CHMP1A: variants seen among roughly 807,000 people sequenced by gnomAD.
CHMP1A encodes the protein charged multivesicular body protein 1A.
Under a neutral mutation model 27.0 loss-of-function variants are expected in CHMP1A, and 17 were observed. The observed-to-expected ratio is 0.63, with a 90% confidence interval of 0.43 to 0.95. The LOEUF is 0.95. Ranked by LOEUF, CHMP1A falls within the 40% of genes least tolerant of loss-of-function variation. The pLI, the probability that CHMP1A is intolerant of heterozygous loss-of-function variation, is 0.00. For synonymous variants in CHMP1A, 131 were observed against 107.5 expected (o/e 1.22, Z -1.35); for missense variants, 275 against 264.0 (o/e 1.04, Z -0.29).
chr16:89,651,561 G>C lies in CHMP1A; in HGVS notation c.105+8C>G, dbSNP rs1188228734. On this transcript the variant is annotated splice_region_variant and intron_variant, in intron 3 of 6. Coordinates refer to ENST00000397901, the MANE Select transcript of CHMP1A (RefSeq NM_002768.5). ...AGAGTCATGACCCCACAGCCCCCAGGGTCTCACCTTCTTCACTTTGGCCTG... is the reference window on the plus strand; with the variant it reads ...AGAGTCATGACCCCACAGCCCCCAGCGTCTCACCTTCTTCACTTTGGCCTG... The C allele has an allele frequency of 6.2e-7, 1 of 1,613,180 alleles. No individual in the cohort carries two copies. The highest frequency in any genetic ancestry group is 2.2e-5 in the East Asian group (1 of 44,872).
chr16:89,651,365 C>A lies in CHMP1A; in HGVS notation c.105+204G>T, dbSNP rs575212992. Among the ~76,000 whole-genome samples the A allele has an allele frequency of 3.1e-4, 45 of 143,540 alleles. 1 individual carries two copies. The Middle Eastern group carries it at 0.014, about 45-fold the overall frequency. 94.2% of individuals were successfully genotyped at this position (143,540 alleles called of 152,430 possible). The stretch of plus-strand genomic sequence containing the variant: ...CAGCCTGGGCGACAGAGCAAGACTC[C>A]GTCTCAAAAAACAAACAAACAAACA... On this transcript the variant is annotated intron_variant, in intron 3 of 6. Transcript: ENST00000397901.
intron 4 of CHMP1A, among the ~76,000 whole-genome samples, chr16:89,647,599 G>A (rs112920619): frequency 7.2e-6 from 1 of 138,630 alleles, no homozygotes; most frequent in Non-Finnish European, 1.6e-5. Flanking sequence ...AAAGGCCGCC[G>A]ACGTGGAGAC....
At chr16:89,657,538 C>T in intron 1 of CHMP1A, 44 bp downstream of exon 1, 1 of 1,607,462 alleles carries the variant, frequency 6.2e-7, no homozygotes, top group East Asian at 2.2e-5. Context: ...AGAAGCGGCC[C>T]CGCCCCGCGC....
At chr16:89,649,693 A>G in intron 3 of CHMP1A, 196 bp from the exon 4 acceptor site, 2 of 599,274 alleles carry the variant, frequency 3.3e-6, no homozygotes, top group East Asian at 3.2e-5. Flanking sequence ...CTCCTGCCTC[A>G]GCCTCCCGAG....
At chr16:89,648,594 G>C (rs1328445572) in intron 4 of CHMP1A, among the ~76,000 whole-genome samples, 1 of 152,204 alleles carries the variant, frequency 6.6e-6, no homozygotes, top group African/African-American at 2.4e-5. Flanking sequence ...CCAAGACCGA[G>C]GCCTGGCCAG....
chr16:89,655,462 G>C (rs2059857911), intron 1 of CHMP1A, among the ~76,000 whole-genome samples: 1 of 149,444 alleles, frequency 6.7e-6, no homozygotes, highest in Admixed American at 6.6e-5. Context: ...CCTCACCTCA[G>C]CTTTCCCTCA....
At position 89,651,649 on chromosome 16, in the gene CHMP1A, G is replaced by A. The variant is rs1283034508; in HGVS notation, c.28-3C>T. ...TTCTCCAGCTGCTTCGCCGTGAACT[G>A]AGCGGAAGCCGGAATGTCCTGGGTC... On this transcript the variant is annotated splice_region_variant and splice_polypyrimidine_tract_variant and intron_variant, in intron 2 of 6. Coordinates refer to ENST00000397901, the MANE Select transcript of CHMP1A (RefSeq NM_002768.5). 11 of 1,613,346 alleles carry A rather than the reference G, an allele frequency of 6.8e-6. No homozygotes were observed. The highest frequency in any genetic ancestry group is 1.3e-5 in the African/African-American group (1 of 74,918).
chr16:89,653,396 G>C (rs1378225414), intron 2 of CHMP1A, among the ~76,000 whole-genome samples: 2 of 149,946 alleles, frequency 1.3e-5, no homozygotes, highest in East Asian at 4.0e-4. Context: ...CGAGGTAGGC[G>C]GATCACGAGG....
chr16:89,657,610 AC>A lies in CHMP1A; in HGVS notation c.-23del. On this transcript the variant is annotated 5_prime_UTR_variant, in exon 1 of 7. It adds an upstream start codon to the 5' untranslated region. Coordinates refer to ENST00000397901, the MANE Select transcript of CHMP1A (RefSeq NM_002768.5). ...CCATGGCCACAATGACAGGAGCAGC[AC>A]TCGGAGAGGGAGAAGGGACGCCAAC... 6.2e-7 allele frequency: 1 copy of A among 1,610,870 alleles called. No individual in the cohort carries two copies. The highest frequency in any genetic ancestry group is 8.5e-7 in the Non-Finnish European group (1 of 1,179,158).
intron 5 of CHMP1A, 143 bp downstream of exon 5, chr16:89,647,060 G>A: frequency 6.5e-7 from 1 of 1,532,254 alleles, no homozygotes; most frequent in Non-Finnish European, 8.7e-7. Flanking sequence ...CAGGGACCCA[G>A]CACAGAGGAT....
chr16:89,649,207 C>T (rs1393858883), intron 4 of CHMP1A, 144 bp downstream of exon 4: 13 of 825,236 alleles, frequency 1.6e-5, no homozygotes, highest in Admixed American at 5.9e-5. Context: ...CCCCACCCCA[C>T]GCTGATCCAG....
At chr16:89,646,406 G>A in intron 6 of CHMP1A, 121 bp downstream of exon 6, 1 of 1,152,034 alleles carries the variant, frequency 8.7e-7, no homozygotes, top group Non-Finnish European at 1.2e-6. Flanking sequence ...TCGAGATCAG[G>A]GCTCCCTGGT....
chr16:89,649,271 G>A, intron 4 of CHMP1A, 80 bp downstream of exon 4: 7 of 1,540,610 alleles, frequency 4.5e-6, no homozygotes, highest in Non-Finnish European at 6.2e-6. Flanking sequence ...ACTCTGAGCT[G>A]CCCCAGATCC....
intron 3 of CHMP1A, among the ~76,000 whole-genome samples, chr16:89,650,075 C>A (rs1291676188): frequency 1.3e-5 from 2 of 152,226 alleles, no homozygotes; most frequent in Non-Finnish European, 2.9e-5. Context: ...TCCATTCTCC[C>A]TGGGAGCCTG....
chr16:89,649,770 G>T (rs1449941356), intron 3 of CHMP1A, among the ~76,000 whole-genome samples: 1 of 152,172 alleles, frequency 6.6e-6, no homozygotes, highest in Non-Finnish European at 1.5e-5. Flanking sequence ...TAGAGATGGG[G>T]TTTCACCGTG....
chr16:89,654,157 C>A (rs960531073), intron 1 of CHMP1A, among the ~76,000 whole-genome samples: 1 of 152,208 alleles, frequency 6.6e-6, no homozygotes, highest in Non-Finnish European at 1.5e-5. Flanking sequence ...ACCCTCCCTC[C>A]CTGTTTCCTT....
intron 1 of CHMP1A, among the ~76,000 whole-genome samples, chr16:89,655,826 A>C (rs1283859192): frequency 6.6e-6 from 1 of 152,138 alleles, no homozygotes; most frequent in Non-Finnish European, 1.5e-5. Flanking sequence ...GGGTTTCACC[A>C]TGTTGGCCAG....
intron 4 of CHMP1A, among the ~76,000 whole-genome samples, chr16:89,647,611 C>G (rs2059787059): frequency 1.5e-5 from 2 of 129,932 alleles, no homozygotes; most frequent in African/African-American, 2.7e-5. Context: ...CGTGGAGACC[C>G]AGTGCGGGGT....
At chr16:89,652,860 G>A (rs576213938) in intron 2 of CHMP1A, among the ~76,000 whole-genome samples, 10 of 152,298 alleles carry the variant, frequency 6.6e-5, no homozygotes, top group Non-Finnish European at 1.0e-4. Flanking sequence ...ACATCCCAGG[G>A]AAATGCACGG....
Sources: allele counts gnomAD v4.1 joint callset (sites outside exome capture counted in the v4.1 genomes callset), GRCh38; gene constraint gnomAD v4.1.1; transcripts MANE v1.5; gene names NCBI Gene and HGNC (gene_info 2026-07-23, HGNC 2026-07-21).